Variants in CFAP53 observed in about 807,000 individuals in gnomAD.
CFAP53 encodes the protein cilia- and flagella-associated protein 53.
A neutral mutation model predicts 59.7 loss-of-function variants in CFAP53; 62 were observed. That is an observed-to-expected ratio of 1.04 (90% CI 0.85 to 1.28). The LOEUF (loss-of-function observed/expected upper bound fraction) is 1.28. CFAP53 is among the 50% of genes most tolerant of loss of function. The probability of loss-of-function intolerance (pLI) is 0.00; values close to 1 mark genes in which losing one functional copy is unlikely to be tolerated. For missense variants in CFAP53, 629 were observed against 615.6 expected, an observed-to-expected ratio of 1.02 and a Z score of -0.23; for synonymous variants, 218 against 205.7, an observed-to-expected ratio of 1.06 and a Z score of -0.51.
chr18:50,246,768 A>T (rs1020387481), intron 5 of CFAP53, among the ~76,000 whole-genome samples: 2 of 152,142 alleles, frequency 1.3e-5, no homozygotes, highest in African/African-American at 2.4e-5. Context: ...ACTCTTGGCC[A>T]GGCGTGGTGG....
chr18:50,253,388 T>C (rs931095770), intron 3 of CFAP53, among the ~76,000 whole-genome samples: 2 of 152,226 alleles, frequency 1.3e-5, no homozygotes, highest in Non-Finnish European at 2.9e-5. Flanking sequence ...ATAATAATCA[T>C]TGATAAGAGG....
intron 3 of CFAP53, among the ~76,000 whole-genome samples, chr18:50,254,299 T>C (rs1395314511): frequency 6.8e-6 from 1 of 147,518 alleles, no homozygotes; most frequent in East Asian, 2.0e-4. Context: ...TAATTAGAAA[T>C]GGGCAAAAGA....
chr18:50,266,398 T>C lies in CFAP53; in HGVS notation c.7A>G (p.Ser3Gly). 1.2e-6 allele frequency: 2 copies of C among 1,614,264 alleles called. No homozygotes were observed. Among genetic ancestry groups the C allele is most frequent in the Non-Finnish European group, 8.5e-7 (1 of 1,180,046 alleles). The change falls in exon 1 of 8, where the codon AGC (serine) becomes GGC (glycine). Residue 3 changes from serine (S) to glycine (G), a missense_variant. Coordinates refer to ENST00000398545, the MANE Select transcript of CFAP53 (RefSeq NM_145020.5). MY[S>G]QRFGTVQREV... ...CGCTGTACGGTGCCAAACCGCTGGC[T>C]GTACATTTTCGAGTCCCCTTCGGGA...
At chr18:50,260,975 T>G (rs2033886636) in intron 3 of CFAP53, 89 bp downstream of exon 3, 1 of 1,337,428 alleles carries the variant, frequency 7.5e-7, no homozygotes, top group East Asian at 2.3e-5. Context: ...TATATCCTCT[T>G]AAGACTAATT....
chr18:50,232,014 G>T (rs937738970), intron 7 of CFAP53, among the ~76,000 whole-genome samples: 2 of 152,178 alleles, frequency 1.3e-5, no homozygotes, highest in Non-Finnish European at 2.9e-5. Flanking sequence ...AGGCCCCTGA[G>T]TGGCCGAGGG....
At chr18:50,254,416 A>C (rs1344301950) in intron 3 of CFAP53, among the ~76,000 whole-genome samples, 1 of 152,186 alleles carries the variant, frequency 6.6e-6, no homozygotes, top group African/African-American at 2.4e-5. Context: ...GCCCATGATG[A>C]GATATCACAG....
chr18:50,227,326 T>C lies in CFAP53; in HGVS notation c.*55A>G. 5.1e-6 allele frequency: 7 copies of C among 1,379,792 alleles called. No homozygotes were observed. Among genetic ancestry groups the C allele is most frequent in the Middle Eastern group, 1.8e-4 (1 of 5,574 alleles). 85.5% of individuals were successfully genotyped at this position (1,379,792 alleles called of 1,614,324 possible). A position where few individuals can be genotyped will look rare whatever the true frequency, so the allele number is the denominator to read the frequency against. On this transcript the variant is annotated 3_prime_UTR_variant, in exon 8 of 8. Coordinates refer to ENST00000398545, the MANE Select transcript of CFAP53 (RefSeq NM_145020.5). ...AGGAGTTAAAAGAAGCATACAAGCA[T>C]ACTGTAGTTAAAAATATTAAAAGAC...
At chr18:50,250,236 A>AG (rs1491058593) in intron 5 of CFAP53, among the ~76,000 whole-genome samples, 46 of 92,220 alleles carry the variant, frequency 5.0e-4, no homozygotes, top group Admixed American at 3.5e-3. Context: ...AAAAAAAAAA[A>AG]AGAGAGAGAG....
intron 5 of CFAP53, among the ~76,000 whole-genome samples, chr18:50,244,532 T>C (rs868450084): frequency 9.9e-5 from 15 of 152,140 alleles, no homozygotes; most frequent in Non-Finnish European, 7.4e-5. Context: ...ATAAATACCA[T>C]TTCCCACTAA....
chr18:50,234,628 T>A lies in CFAP53; in HGVS notation c.1316+3975A>T, dbSNP rs143584896. On this transcript the variant is annotated intron_variant, in intron 7 of 7. Coordinates refer to ENST00000398545, the MANE Select transcript of CFAP53 (RefSeq NM_145020.5). ...GTGTGGATCCAACATTTTTCCAGCC[T>A]TGCCTATTAAATGGAGAGGACGTGC... Among the ~76,000 whole-genome samples the A allele has an allele frequency of 4.1e-3, 630 of 152,258 alleles. 5 individuals are homozygous for A. Among genetic ancestry groups the A allele is most frequent in the African/African-American group, 0.014 (584 of 41,550 alleles).
At chr18:50,241,889 C>G (rs779379340) in intron 6 of CFAP53, among the ~76,000 whole-genome samples, 2 of 152,144 alleles carry the variant, frequency 1.3e-5, no homozygotes, top group South Asian at 2.1e-4. Flanking sequence ...CTAGATTTCA[C>G]CAGGCTGGAA....
chr18:50,238,503 C>T, intron 7 of CFAP53, 100 bp downstream of exon 7: 1 of 691,760 alleles, frequency 1.4e-6, no homozygotes, highest in Non-Finnish European at 2.4e-6. Context: ...CCTCTTTCCT[C>T]AGCCTCCCAA....
chr18:50,259,248 C>G (rs536823057), intron 3 of CFAP53, among the ~76,000 whole-genome samples: 1 of 152,252 alleles, frequency 6.6e-6, no homozygotes, highest in African/African-American at 2.4e-5. Context: ...GGTACACATG[C>G]ACAATGGAGT....
At chr18:50,260,419 T>C (rs1261458183) in intron 3 of CFAP53, among the ~76,000 whole-genome samples, 1 of 152,094 alleles carries the variant, frequency 6.6e-6, no homozygotes, top group Non-Finnish European at 1.5e-5. Flanking sequence ...CCTAATACTT[T>C]GGGTAGCTGA....
In CFAP53 at chr18:50,266,445, T is replaced by A; in HGVS notation, c.-41A>T. The A allele has an allele frequency of 1.2e-6, 2 of 1,603,550 alleles. No individual in the cohort carries two copies. The highest frequency in any genetic ancestry group is 1.7e-6 in the Non-Finnish European group (2 of 1,170,352). ...GGGACGGGGGCGGCGTCCGCCGCGT[T>A]TCCCCCAACCGTGGCGACCTGCGGG... On this transcript the variant is annotated 5_prime_UTR_variant, in exon 1 of 8. Transcript: ENST00000398545.
intron 5 of CFAP53, among the ~76,000 whole-genome samples, chr18:50,246,382 G>A (rs925205998): frequency 7.2e-5 from 11 of 152,244 alleles, no homozygotes; most frequent in South Asian, 2.1e-4. Context: ...AACAATTAGA[G>A]AATTATTTCA....
chr18:50,248,665 A>G (rs2033768512), intron 5 of CFAP53, among the ~76,000 whole-genome samples: 1 of 151,578 alleles, frequency 6.6e-6, no homozygotes. Context: ...CACACCTGTA[A>G]TCCTAGCTAC....
intron 5 of CFAP53, among the ~76,000 whole-genome samples, chr18:50,250,303 A>C (rs1052492109): frequency 4.6e-5 from 7 of 152,166 alleles, no homozygotes; most frequent in African/African-American, 1.4e-4. Flanking sequence ...AGGTAAAAAC[A>C]AGAAAAAGCA....
At chr18:50,236,141 G>T (rs534987813) in intron 7 of CFAP53, among the ~76,000 whole-genome samples, 7 of 152,208 alleles carry the variant, frequency 4.6e-5, no homozygotes, top group Admixed American at 1.3e-4. Context: ...AAACACCTCG[G>T]CTGACAGAAG....
Sources: allele counts gnomAD v4.1 joint callset (sites outside exome capture counted in the v4.1 genomes callset), GRCh38; gene constraint gnomAD v4.1.1; transcripts MANE v1.5; gene names NCBI Gene and HGNC (gene_info 2026-07-23, HGNC 2026-07-21).